MGA: variants seen among roughly 807,000 people sequenced by gnomAD.
MGA encodes MAX dimerization protein MGA, also known as MAX gene-associated protein.
A neutral mutation model predicts 261.1 loss-of-function variants in MGA; 40 were observed. The ratio of observed to expected loss-of-function variants is 0.15; its 90% CI spans 0.12 to 0.20. The LOEUF (loss-of-function observed/expected upper bound fraction) is 0.20. Ranked by LOEUF, MGA falls within the 10% of genes least tolerant of loss-of-function variation. The pLI is 1.00. For missense variants in MGA, 3,397 were observed against 3,630.5 expected, an observed-to-expected ratio of 0.94 and a Z score of 1.65; for synonymous variants, 1,302 against 1,290.6, an observed-to-expected ratio of 1.01 and a Z score of -0.19.
At chr15:41,712,227 T>C (rs1336354705) in intron 8 of MGA, among the ~76,000 whole-genome samples, 3 of 151,930 alleles carry the variant, frequency 2.0e-5, no homozygotes, top group Non-Finnish European at 4.4e-5. Context: ...CCACAGCACA[T>C]TTATTTATTT....
exon 1 of MGA, chr15:41,621,235 T>G (rs914670881): frequency 6.6e-6 from 1 of 152,206 alleles, no homozygotes; most frequent in Non-Finnish European, 1.5e-5. Context: ...TATCCCGGCG[T>G]GCATCGGGGA....
intron 1 of MGA, among the ~76,000 whole-genome samples, chr15:41,644,676 A>G (rs2056899588): frequency 6.6e-6 from 1 of 152,212 alleles, no homozygotes; most frequent in South Asian, 2.1e-4. Context: ...AAAAGAAAAA[A>G]TATTACCATT....
Position 41,750,054 on chromosome 15 carries a change from G to A in MGA, c.6447G>A (p.Glu2149=). The A allele has an allele frequency of 6.2e-7, 1 of 1,613,394 alleles. No individual in the cohort carries two copies. Among genetic ancestry groups the A allele is most frequent in the Non-Finnish European group, 8.5e-7 (1 of 1,179,664 alleles). Residue 2149 remains glutamate, a synonymous_variant, in exon 17 of 24, where the codon GAG becomes GAA. Transcript: ENST00000219905. ...AATTGTCAGGAAGCAAAGTTATGGA[G>A]CAGCAATCTAATCTACAGCCAGAGG...
Position 41,696,880 on chromosome 15 carries a change from A to G in MGA, c.1870A>G (p.Lys624Glu). The G allele has an allele frequency of 1.9e-6, 3 of 1,598,008 alleles. No homozygotes were observed. Among genetic ancestry groups the G allele is most frequent in the Non-Finnish European group, 2.6e-6 (3 of 1,171,908 alleles). Residue 624 changes from lysine (K) to glutamate (E), a missense_variant, in exon 3 of 24, where the codon AAG becomes GAG. Coordinates refer to ENST00000219905, the MANE Select transcript of MGA (RefSeq NM_001164273.2). Reference sequence around the variant, plus strand: ...AAGGCCACGAAAATTGAAACTCTGTAAGGCAGGACGACCACCTAAGAACAC... The same window carrying G: ...AAGGCCACGAAAATTGAAACTCTGTGAGGCAGGACGACCACCTAAGAACAC...
At chr15:41,652,564 G>C (rs1363487245) in intron 1 of MGA, among the ~76,000 whole-genome samples, 2 of 150,244 alleles carry the variant, frequency 1.3e-5, no homozygotes, top group Non-Finnish European at 3.0e-5. Flanking sequence ...TGAGAGACGG[G>C]GTCTCACTGT....
At chr15:41,624,607 G>C (rs1399648595) in intron 1 of MGA, among the ~76,000 whole-genome samples, 3 of 151,644 alleles carry the variant, frequency 2.0e-5, no homozygotes, top group African/African-American at 7.3e-5. Context: ...TGCTCGGTGG[G>C]TGGCGTGAGC....
At chr15:41,727,129 G>C in intron 9 of MGA, 51 bp from the exon 10 acceptor site, 1 of 1,465,784 alleles carries the variant, frequency 6.8e-7, no homozygotes. Flanking sequence ...CCTCAGTATT[G>C]ATCTTTTGTT....
At chr15:41,674,327 C>T (rs1250402377) in intron 2 of MGA, among the ~76,000 whole-genome samples, 1 of 151,594 alleles carries the variant, frequency 6.6e-6, no homozygotes, top group Non-Finnish European at 1.5e-5. Flanking sequence ...TCTGGGGTAG[C>T]TGGGATTACA....
chr15:41,628,738 T>C (rs896837847), intron 1 of MGA, among the ~76,000 whole-genome samples: 3 of 152,118 alleles, frequency 2.0e-5, no homozygotes, highest in African/African-American at 7.2e-5. Flanking sequence ...TTGCAGGCCA[T>C]GAGGTTTTTG....
chr15:41,663,713 C>T (rs762673653), intron 1 of MGA, among the ~76,000 whole-genome samples: 189 of 152,084 alleles, frequency 1.2e-3, no homozygotes, highest in Non-Finnish European at 2.0e-3. Context: ...TCAGGTGATT[C>T]GCCCGCCTCA....
chr15:41,657,957 T>C (rs17677098), upstream of MGA, among the ~76,000 whole-genome samples: 36,685 of 152,090 alleles, frequency 0.24, 5,034 homozygotes, highest in Middle Eastern at 0.42. Context: ...GGTTCTGCTG[T>C]AGACATCTGA....
intron 8 of MGA, 78 bp downstream of exon 8, chr15:41,711,427 G>T: frequency 7.1e-7 from 1 of 1,402,150 alleles, no homozygotes; most frequent in Non-Finnish European, 9.5e-7. Context: ...AATGGGAATG[G>T]TACTTTTTGG....
chr15:41,755,704 G>A (rs1260535957), intron 18 of MGA, among the ~76,000 whole-genome samples: 1 of 152,164 alleles, frequency 6.6e-6, no homozygotes, highest in African/African-American at 2.4e-5. Flanking sequence ...AACACTGTAA[G>A]GGAACAGATT....
At chr15:41,661,844 G>C (rs1224072399) in intron 1 of MGA, among the ~76,000 whole-genome samples, 1 of 152,124 alleles carries the variant, frequency 6.6e-6, no homozygotes, top group East Asian at 1.9e-4. Flanking sequence ...GGGTCTGGTG[G>C]CTGGTTCTGT....
At position 41,669,096 on chromosome 15, in the gene MGA, G is replaced by C; in HGVS notation, c.202G>C (p.Ala68Pro). 6.2e-7 allele frequency: 1 copy of C among 1,609,966 alleles called. No individual in the cohort carries two copies. Among genetic ancestry groups the C allele is most frequent in the Non-Finnish European group, 8.5e-7 (1 of 1,176,384 alleles). Reference sequence around the variant, plus strand: ...ATCTAAAGGGAAGATTTGCCTTCCAGCTGATTGTACTGTGGGTGGAATCAC... The same window carrying C: ...ATCTAAAGGGAAGATTTGCCTTCCACCTGATTGTACTGTGGGTGGAATCAC... Residue 68 changes from alanine (A) to proline (P), a missense_variant, in exon 2 of 24, where the codon GCT (alanine) becomes CCT (proline). Physicochemically the swap from Ala to Pro is conservative, Grantham distance 27. Coordinates refer to ENST00000219905, the MANE Select transcript of MGA (RefSeq NM_001164273.2).
rs537403510 is a variant in MGA, at chr15:41,767,284, T to A, written c.*4T>A. On this transcript the variant is annotated 3_prime_UTR_variant, in exon 24 of 24. Transcript: ENST00000219905. ...ACCAAGTTCTGCAGGGAAATGAACT[T>A]ACTTGTCCTTAAGCAGAAGCCAGGC... 3 of 1,600,276 alleles carry A rather than the reference T, an allele frequency of 1.9e-6. No individual in the cohort carries two copies. The East Asian group carries it at 6.7e-5, about 36-fold the overall frequency.
chr15:41,686,329 A>T (rs548883166), intron 2 of MGA, among the ~76,000 whole-genome samples: 1 of 152,200 alleles, frequency 6.6e-6, no homozygotes, highest in South Asian at 2.1e-4. Flanking sequence ...CCCTGGAAAC[A>T]TAGTGACACC....
chr15:41,737,211 C>T (rs2061829977), intron 13 of MGA, among the ~76,000 whole-genome samples: 1 of 152,058 alleles, frequency 6.6e-6, no homozygotes, highest in Non-Finnish European at 1.5e-5. Context: ...GCAACCTCTG[C>T]CTCCTGGGTT....
intron 2 of MGA, among the ~76,000 whole-genome samples, chr15:41,677,758 C>CT (rs1314742496): frequency 6.6e-6 from 1 of 152,090 alleles, no homozygotes; most frequent in East Asian, 1.9e-4. Flanking sequence ...TATTCAAGTG[C>CT]TTTGCCCATT....
Sources: gnomAD v4.1 joint callset for allele counts (sites outside exome capture counted in the v4.1 genomes callset) on GRCh38, gnomAD v4.1.1 for gene constraint, MANE v1.5 for transcripts, NCBI Gene and HGNC (gene_info 2026-07-23, HGNC 2026-07-21) for gene names.